The following EPHB1 variants were observed in gnomAD, a reference collection of about 807,000 sequenced individuals.
The protein encoded by EPHB1 is ephrin type-B receptor 1.
In EPHB1, 30 loss-of-function variants were observed where a neutral mutation model predicts 94.4. That is an observed-to-expected ratio of 0.32 (90% CI 0.24 to 0.43). The LOEUF (loss-of-function observed/expected upper bound fraction) is 0.43, where lower values mean the gene tolerates loss of function less well. Ranked by LOEUF, EPHB1 falls within the 20% of genes least tolerant of loss-of-function variation. The pLI is 1.00. For missense variants in EPHB1, 1,055 were observed against 1,308.3 expected (o/e 0.81, Z 2.99); for synonymous variants, 522 against 489.1 (o/e 1.07, Z -0.89).
intron 1 of EPHB1, among the ~76,000 whole-genome samples, chr3:134,861,633 G>A (rs2037261413): frequency 6.6e-6 from 1 of 152,146 alleles, no homozygotes; most frequent in Non-Finnish European, 1.5e-5. Context: ...GGGACTGAGA[G>A]GGAAGATAAG....
chr3:134,968,360 T>C (rs1402182147), intron 3 of EPHB1, among the ~76,000 whole-genome samples: 2 of 152,156 alleles, frequency 1.3e-5, no homozygotes, highest in Admixed American at 1.3e-4. Flanking sequence ...GTGGGAAGAA[T>C]GTAGAAAATT....
At chr3:135,179,039 T>C (rs1942073692) in intron 9 of EPHB1, among the ~76,000 whole-genome samples, 1 of 152,178 alleles carries the variant, frequency 6.6e-6, no homozygotes, top group Non-Finnish European at 1.5e-5. Context: ...TTCCCTCTCC[T>C]CTACTTTTTG....
intron 1 of EPHB1, among the ~76,000 whole-genome samples, chr3:134,826,304 C>G (rs114463645): frequency 0.011 from 1,677 of 151,408 alleles, 33 homozygotes; most frequent in African/African-American, 0.039. Context: ...GAGCTAAGAG[C>G]CAGAATACAA....
intron 12 of EPHB1, among the ~76,000 whole-genome samples, chr3:135,222,111 A>G (rs1943289159): frequency 6.6e-6 from 1 of 151,122 alleles, no homozygotes; most frequent in Non-Finnish European, 1.5e-5. Flanking sequence ...TGCTCCTAAC[A>G]TATTATTGTA....
At chr3:134,820,340 G>A (rs970800590) in intron 1 of EPHB1, among the ~76,000 whole-genome samples, 1 of 152,186 alleles carries the variant, frequency 6.6e-6, no homozygotes, top group Non-Finnish European at 1.5e-5. Context: ...GTCTAGGCAT[G>A]GAGACAAATG....
chr3:134,970,267 C>A (rs1933916712), intron 3 of EPHB1, among the ~76,000 whole-genome samples: 1 of 152,342 alleles, frequency 6.6e-6, no homozygotes, highest in East Asian at 1.9e-4. Flanking sequence ...GGTCTATAAT[C>A]AATTTGAGTT....
In EPHB1 at chr3:134,992,556, C is replaced by T. The variant is rs1559786164; in HGVS notation, c.805+40504C>T. On this transcript the variant is annotated intron_variant, in intron 3 of 15. Transcript: ENST00000398015. The stretch of plus-strand genomic sequence containing the variant: ...CAGGCCCTGTCCTAAGCATTTTGAG[C>T]ACAAGTACAAGGTGATCCCTGCACA... Among the ~76,000 whole-genome samples, 6 of 152,350 alleles carry T rather than the reference C, an allele frequency of 3.9e-5. 1 individual carries two copies. The South Asian group carries it at 1.0e-3, about 26-fold the overall frequency.
intron 1 of EPHB1, among the ~76,000 whole-genome samples, chr3:134,827,476 G>A (rs2036505562): frequency 6.6e-6 from 1 of 152,202 alleles, no homozygotes; most frequent in Non-Finnish European, 1.5e-5. Flanking sequence ...ATGCTATTGG[G>A]ACTGTTCCTC....
chr3:134,992,386 G>C (rs1934838600), intron 3 of EPHB1, among the ~76,000 whole-genome samples: 1 of 152,188 alleles, frequency 6.6e-6, no homozygotes, highest in Non-Finnish European at 1.5e-5. Context: ...TGTGCGCAAA[G>C]GACACATGCT....
In EPHB1 at chr3:134,892,724, G is replaced by A. The variant is rs562414451; in HGVS notation, c.59-33092G>A. Among the ~76,000 whole-genome samples the A allele has an allele frequency of 1.8e-4, 28 of 152,066 alleles. No homozygotes were observed. The East Asian group carries it at 4.4e-3, about 24-fold the overall frequency. ...TTTCTGACTCTAGACATCTCTGTAG[G>A]TCTCTATTCTCTGGCTTTCCCTAGG... On this transcript the variant is annotated intron_variant, in intron 1 of 15. Transcript: ENST00000398015.
At chr3:134,876,314 C>T (rs2037615543) in intron 1 of EPHB1, among the ~76,000 whole-genome samples, 1 of 152,220 alleles carries the variant, frequency 6.6e-6, no homozygotes, top group Non-Finnish European at 1.5e-5. Flanking sequence ...CATCCCTGTT[C>T]ATTTGTCAGT....
At chr3:134,874,358 C>T (rs62270279) in intron 1 of EPHB1, among the ~76,000 whole-genome samples, 1 of 151,774 alleles carries the variant, frequency 6.6e-6, no homozygotes, top group Admixed American at 6.6e-5. Context: ...AACACCGGGG[C>T]CTATTGGGGG....
chr3:134,973,425 C>CTTTTTTTTTT (rs10664147), intron 3 of EPHB1, among the ~76,000 whole-genome samples: 10 of 91,014 alleles, frequency 1.1e-4, no homozygotes, highest in East Asian at 3.3e-4. Flanking sequence ...GTCTTCTAGT[C>CTTTTTTTTTT]TTTTTTTTTT....
rs568011623 is a variant in EPHB1, at chr3:135,240,711, C to G, written c.2347-437C>G. ...GCTCTCCAGGAGGCATGCTTCATCA[C>G]TCTTCTTTCCTTTTGTACCATTGCA... On this transcript the variant is annotated intron_variant, in intron 12 of 15. Transcript: ENST00000398015. Among the ~76,000 whole-genome samples, 7 of 152,324 alleles carry G rather than the reference C, an allele frequency of 4.6e-5. No homozygotes were observed. In the East Asian group the frequency reaches 1.4e-3, roughly 29 times the overall value.
chr3:135,177,111 A>G (rs1406227690), intron 9 of EPHB1, among the ~76,000 whole-genome samples: 1 of 152,098 alleles, frequency 6.6e-6, no homozygotes, highest in Non-Finnish European at 1.5e-5. Flanking sequence ...ATGTTCTTTA[A>G]TCTCACAGCC....
intron 1 of EPHB1, among the ~76,000 whole-genome samples, chr3:134,836,656 T>A (rs2108295190): frequency 6.6e-6 from 1 of 152,366 alleles, no homozygotes; most frequent in Admixed American, 6.5e-5. Flanking sequence ...AGAAGCACAT[T>A]TTAACAAATG....
At chr3:134,883,808 A>G (rs2037809235) in intron 1 of EPHB1, among the ~76,000 whole-genome samples, 2 of 152,210 alleles carry the variant, frequency 1.3e-5, no homozygotes, top group South Asian at 4.1e-4. Context: ...GGAGACTCAG[A>G]GGGCAGATAC....
chr3:135,154,480 GGA>G, intron 6 of EPHB1: 1 of 588,962 alleles, frequency 1.7e-6, no homozygotes, highest in Non-Finnish European at 2.8e-6. Context: ...TGCCAACTAA[GGA>G]GAGAAACTTC....
At chr3:135,024,002 A>T (rs749786413) in intron 3 of EPHB1, among the ~76,000 whole-genome samples, 2 of 152,232 alleles carry the variant, frequency 1.3e-5, no homozygotes, top group Non-Finnish European at 2.9e-5. Flanking sequence ...TGAACAATGA[A>T]GTAGTTTATT....
Sources: allele counts gnomAD v4.1 joint callset (sites outside exome capture counted in the v4.1 genomes callset), GRCh38; gene constraint gnomAD v4.1.1; transcripts MANE v1.5; gene names NCBI Gene and HGNC (gene_info 2026-07-23, HGNC 2026-07-21).